The following PAK2 variants were observed in gnomAD, a reference collection of about 807,000 sequenced individuals.
PAK2 encodes the protein p21 (RAC1) activated kinase 2.
Under a neutral mutation model 65.9 loss-of-function variants are expected in PAK2, and 21 were observed. The observed-to-expected ratio is 0.32, with a 90% CI of 0.23 to 0.46. PAK2 has a LOEUF of 0.46. PAK2 is among the 20% of genes least tolerant of loss of function. The pLI, the probability that PAK2 is intolerant of heterozygous loss-of-function variation, is 1.00. For synonymous variants in PAK2, 204 were observed against 219.7 expected (o/e 0.93, Z 0.63); for missense variants, 324 against 642.6 (o/e 0.50, Z 5.36).
intron 2 of PAK2, among the ~76,000 whole-genome samples, chr3:196,786,952 G>C (rs1462566480): frequency 6.6e-6 from 1 of 151,840 alleles, no homozygotes; most frequent in Non-Finnish European, 1.5e-5. Flanking sequence ...AGCCTTCCAA[G>C]TAGTTGGGAC....
chr3:196,754,738 T>C (rs566856647), intron 1 of PAK2, among the ~76,000 whole-genome samples: 2 of 152,300 alleles, frequency 1.3e-5, no homozygotes, highest in East Asian at 3.9e-4. Flanking sequence ...GAACCTTACC[T>C]GCACACGGGC....
chr3:196,762,088 C>T (rs1162959541), intron 1 of PAK2, among the ~76,000 whole-genome samples: 4 of 138,670 alleles, frequency 2.9e-5, no homozygotes, highest in African/African-American at 1.1e-4. Flanking sequence ...GCGCTCCTCA[C>T]ATCCCAGATG....
intron 2 of PAK2, among the ~76,000 whole-genome samples, chr3:196,790,210 A>G (rs1217201150): frequency 2.0e-5 from 3 of 152,230 alleles, no homozygotes; most frequent in Non-Finnish European, 4.4e-5. Context: ...GTTTAGCCTT[A>G]GATGTAGCTT....
At position 196,792,311 on chromosome 3, in the gene PAK2, C is replaced by T. The variant is rs190412321; in HGVS notation, c.187+9478C>T. On this transcript the variant is annotated intron_variant, in intron 2 of 14. Transcript: ENST00000327134. ...AATTTCTCCTGTATGTAGGGTATTC[C>T]GTTAGAAGCCAAGGGACATAAAGAA... Among the ~76,000 whole-genome samples the T allele has an allele frequency of 7.4e-4, 113 of 152,184 alleles. No individual in the cohort carries two copies. In the Middle Eastern group the frequency reaches 0.01, roughly 14 times the overall value.
intron 1 of PAK2, among the ~76,000 whole-genome samples, chr3:196,748,057 A>G (rs533094298): frequency 6.6e-6 from 1 of 152,282 alleles, no homozygotes; most frequent in South Asian, 2.1e-4. Context: ...TTTCTTTAAT[A>G]TACTATTCTG....
intron 1 of PAK2, among the ~76,000 whole-genome samples, chr3:196,759,926 A>T (rs77634954): frequency 6.6e-6 from 1 of 152,138 alleles, no homozygotes; most frequent in Non-Finnish European, 1.5e-5. Flanking sequence ...ACTGCACTGA[A>T]TAGCAGTGAC....
At chr3:196,748,796 A>G (rs1165406158) in intron 1 of PAK2, among the ~76,000 whole-genome samples, 1 of 152,176 alleles carries the variant, frequency 6.6e-6, no homozygotes, top group Non-Finnish European at 1.5e-5. Flanking sequence ...TGTAAAATAC[A>G]TGTAACAGAA....
At position 196,811,228 on chromosome 3, in the gene PAK2, CCCTTCCCTT is replaced by C. The variant is rs1427586104; in HGVS notation, c.773+584_773+592del. Among the ~76,000 whole-genome samples, 5 of 11,656 alleles carry C rather than the reference CCCTTCCCTT, an allele frequency of 4.3e-4. 1 individual carries two copies. Among genetic ancestry groups the C allele is most frequent in the Admixed American group, 1.3e-3 (1 of 760 alleles). 7.6% of individuals were successfully genotyped at this position (11,656 alleles called of 152,430 possible). On this transcript the variant is annotated intron_variant, in intron 8 of 14. Transcript: ENST00000327134. ...CTTCCTTCCCTTCCCTCCCTCCCTT[CCCTTCCCTT>C]CCTTCCCTCCCTCCCCTCCCTCCCT...
intron 1 of PAK2, among the ~76,000 whole-genome samples, chr3:196,770,512 G>T (rs557195609): frequency 1.3e-5 from 2 of 151,816 alleles, no homozygotes; most frequent in East Asian, 3.9e-4. Flanking sequence ...CTCCAGCCTG[G>T]GCAACACGGC....
chr3:196,740,319 C>T (rs2108700031), intron 1 of PAK2, among the ~76,000 whole-genome samples, 162 bp downstream of exon 1: 1 of 152,266 alleles, frequency 6.6e-6, no homozygotes, highest in East Asian at 1.9e-4. Context: ...GCTCCTGGGG[C>T]GGTGGCTCAT....
intron 1 of PAK2, among the ~76,000 whole-genome samples, chr3:196,779,090 CAA>C (rs1162246206): frequency 6.6e-6 from 1 of 152,164 alleles, no homozygotes; most frequent in Non-Finnish European, 1.5e-5. Context: ...TGCCTTCACT[CAA>C]GAGGAGACAA....
At chr3:196,813,904 C>T (rs950818569) in intron 10 of PAK2, among the ~76,000 whole-genome samples, 24 of 152,190 alleles carry the variant, frequency 1.6e-4, no homozygotes, top group African/African-American at 4.1e-4. Flanking sequence ...GAGCCGAGAT[C>T]GCGCCACTGC....
At chr3:196,788,607 T>C (rs79742894) in intron 2 of PAK2, among the ~76,000 whole-genome samples, 2,311 of 152,228 alleles carry the variant, frequency 0.015, 103 homozygotes, top group Admixed American at 0.097. Flanking sequence ...GACAGCAATC[T>C]CAAACCATGG....
chr3:196,829,454 TA>T lies in PAK2; in HGVS notation c.*1054del, dbSNP rs1711993988. Reference sequence around the variant, plus strand: ...AATAACCAGTGAATTTTCAGGAATTTAAAAATTAGCTTTTTTCCACTTAAAG... The same window carrying T: ...AATAACCAGTGAATTTTCAGGAATTTAAAATTAGCTTTTTTCCACTTAAAG... On this transcript the variant is annotated 3_prime_UTR_variant, in exon 15 of 15. Coordinates refer to ENST00000327134, the MANE Select transcript of PAK2 (RefSeq NM_002577.4). 1 of 152,390 alleles carries T rather than the reference TA, an allele frequency of 6.6e-6. No homozygotes were observed. Among genetic ancestry groups the T allele is most frequent in the African/African-American group, 2.4e-5 (1 of 41,468 alleles). The allele number at this position is 152,390 out of a possible 1,614,324, so 9.4% of individuals were successfully genotyped here. A position where few individuals can be genotyped will look rare whatever the true frequency, so the allele number is the denominator to read the frequency against.
chr3:196,813,044 G>A (rs1278917038), intron 10 of PAK2, among the ~76,000 whole-genome samples, 193 bp downstream of exon 10: 1 of 152,050 alleles, frequency 6.6e-6, no homozygotes, highest in African/African-American at 2.4e-5. Flanking sequence ...CACTTGGCAG[G>A]TGAGAGAAGG....
At chr3:196,824,812 T>TAA (rs899605588) in intron 13 of PAK2, among the ~76,000 whole-genome samples, 1 of 143,198 alleles carries the variant, frequency 7.0e-6, no homozygotes, top group South Asian at 2.2e-4. Flanking sequence ...GAGAATGCAT[T>TAA]AAAAAAAAAA....
At chr3:196,760,947 A>T (rs1476789758) in intron 1 of PAK2, among the ~76,000 whole-genome samples, 1 of 152,144 alleles carries the variant, frequency 6.6e-6, no homozygotes, top group Non-Finnish European at 1.5e-5. Context: ...AGAAAAAAGA[A>T]AAGTTAGGGC....
rs180680064 is a variant in PAK2, at chr3:196,787,762, A to G, written c.187+4929A>G. On this transcript the variant is annotated intron_variant, in intron 2 of 14. Coordinates refer to ENST00000327134, the MANE Select transcript of PAK2 (RefSeq NM_002577.4). ...GAGATGTGTGGAATGTTTGGAGGGT[A>G]GGATGCTTCTTGATTCCTCCTGTTT... 6.2e-4 allele frequency among the ~76,000 whole-genome samples: 95 copies of G among 152,210 alleles called. No homozygotes were observed. The Middle Eastern group carries it at 0.01, about 16-fold the overall frequency.
At position 196,801,787 on chromosome 3, in the gene PAK2, T is replaced by C. The variant is rs1715430416; in HGVS notation, c.188-140T>C. The C allele has an allele frequency of 1.1e-5, 6 of 536,090 alleles. No homozygotes were observed. The East Asian group carries it at 1.9e-4, about 17-fold the overall frequency. The allele number at this position is 536,090 out of a possible 1,614,324, so 33.2% of individuals were successfully genotyped here. On this transcript the variant is annotated intron_variant, in intron 2 of 14. Coordinates refer to ENST00000327134, the MANE Select transcript of PAK2 (RefSeq NM_002577.4). ...AGCAGAGGTTGCAGTCAGCTGAGAT[T>C]GCACCACTGCACTCCAGCCTGGGCA...
Sources: gnomAD v4.1 joint callset for allele counts (sites outside exome capture counted in the v4.1 genomes callset) on GRCh38, gnomAD v4.1.1 for gene constraint, MANE v1.5 for transcripts, NCBI Gene and HGNC (gene_info 2026-07-23, HGNC 2026-07-21) for gene names.